The following APBA1 variants were observed in gnomAD, a reference collection of about 807,000 sequenced individuals.
APBA1 encodes the protein amyloid beta precursor protein binding family A member 1, also known as amyloid-beta A4 precursor protein-binding family A member 1.
A neutral mutation model predicts 86.6 loss-of-function variants in APBA1; 55 were observed. That is an observed-to-expected ratio of 0.64 (90% CI 0.51 to 0.80). The LOEUF is 0.80. APBA1 is among the 30% of genes least tolerant of loss of function. The pLI is 0.00. For missense variants in APBA1, 1,090 were observed against 1,183.0 expected (o/e 0.92, Z 1.15); for synonymous variants, 511 against 493.9 (o/e 1.03, Z -0.46).
intron 1 of APBA1, among the ~76,000 whole-genome samples, chr9:69,621,619 A>G (rs1242599490): frequency 6.6e-6 from 1 of 152,244 alleles, no homozygotes; most frequent in Non-Finnish European, 1.5e-5. Context: ...CATCTGTAAA[A>G]CATGTACAAT....
rs1366839712 is a variant in APBA1, at chr9:69,449,791, G to A, written c.1974C>T (p.Phe658=). The A allele has an allele frequency of 6.2e-7, 1 of 1,608,762 alleles. No homozygotes were observed. Among genetic ancestry groups the A allele is most frequent in the Non-Finnish European group, 8.5e-7 (1 of 1,175,710 alleles). The part of the protein sequence containing the change: ...FSKSENCKDV[F]IEKQKGEILG... ...GGATTTCTCCTTTCTGCTTCTCTAT[G>A]AAAACCTGGAAGGAGAAAAACATTT... Residue 658 remains phenylalanine, a synonymous_variant, in exon 10 of 13, where the codon TTC becomes TTT. Transcript: ENST00000265381.
intron 1 of APBA1, among the ~76,000 whole-genome samples, chr9:69,571,876 C>T (rs1385135850): frequency 1.3e-5 from 2 of 152,168 alleles, no homozygotes; most frequent in Non-Finnish European, 2.9e-5. Flanking sequence ...GAAAACGAGG[C>T]TGTCATTGAT....
intron 1 of APBA1, among the ~76,000 whole-genome samples, chr9:69,550,394 A>AT (rs1474586787): frequency 6.6e-6 from 1 of 151,776 alleles, no homozygotes. Flanking sequence ...CCTTTATTTT[A>AT]TTTTTTTACC....
chr9:69,603,312 G>A (rs367953941), intron 1 of APBA1, among the ~76,000 whole-genome samples: 20 of 152,194 alleles, frequency 1.3e-4, no homozygotes, highest in Non-Finnish European at 2.9e-4. Context: ...CTTTATTTTA[G>A]GCAGAACAGG....
intron 1 of APBA1, among the ~76,000 whole-genome samples, chr9:69,615,103 G>T (rs1822673776): frequency 6.6e-6 from 1 of 152,208 alleles, no homozygotes; most frequent in African/African-American, 2.4e-5. Context: ...GGGAGGCTGA[G>T]ATGGGAGAAT....
At chr9:69,441,745 G>A (rs1279773202) in intron 10 of APBA1, among the ~76,000 whole-genome samples, 1 of 152,220 alleles carries the variant, frequency 6.6e-6, no homozygotes, top group Non-Finnish European at 1.5e-5. Flanking sequence ...TAGGATGGGT[G>A]TTGATGGAGA....
At chr9:69,546,079 CTG>C (rs1787314146) in intron 1 of APBA1, among the ~76,000 whole-genome samples, 2 of 152,162 alleles carry the variant, frequency 1.3e-5, no homozygotes, top group African/African-American at 2.4e-5. Context: ...GGAATTCAGA[CTG>C]AGAATTCTTC....
intron 1 of APBA1, among the ~76,000 whole-genome samples, chr9:69,521,086 G>C (rs957286323): frequency 1.3e-5 from 2 of 152,206 alleles, no homozygotes; most frequent in Admixed American, 6.5e-5. Context: ...CTAATGAAGA[G>C]TACTGCCATT....
At position 69,457,152 on chromosome 9, in the gene APBA1, A is replaced by G. The variant is rs780833658; in HGVS notation, c.1516-13T>C. 2 of 1,611,638 alleles carry G rather than the reference A, an allele frequency of 1.2e-6. No homozygotes were observed. Among genetic ancestry groups the G allele is most frequent in the South Asian group, 2.2e-5 (2 of 91,022 alleles). On this transcript the variant is annotated splice_polypyrimidine_tract_variant and intron_variant, in intron 6 of 12. Coordinates refer to ENST00000265381, the MANE Select transcript of APBA1 (RefSeq NM_001163.4). ...CGCCTTCAGGAGCCTGAGAAGAAAA[A>G]ATGCACCAAGAGAAAGTTTGACCAC... is the stretch of plus-strand genomic sequence containing the variant.
intron 3 of APBA1, among the ~76,000 whole-genome samples, chr9:69,473,698 A>G (rs969977168): frequency 6.6e-6 from 1 of 152,178 alleles, no homozygotes; most frequent in Non-Finnish European, 1.5e-5. Flanking sequence ...AAAAAAATTA[A>G]AAAAAAGATA....
intron 1 of APBA1, among the ~76,000 whole-genome samples, chr9:69,595,907 A>C (rs1588384402): frequency 6.6e-6 from 1 of 152,286 alleles, no homozygotes; most frequent in Admixed American, 6.5e-5. Flanking sequence ...AGGGGAGGGA[A>C]GGCTGAACCA....
At position 69,429,948 on chromosome 9, in the gene APBA1, TATA is replaced by T. The variant is rs1162534785; in HGVS notation, c.*1376_*1378del. On this transcript the variant is annotated 3_prime_UTR_variant, in exon 13 of 13. Transcript: ENST00000265381. ...GACCAAGTGAAAACTGGCTCAGAAT[TATA>T]ATATTACTAAAACATCTACACTGAA... 6.6e-6 allele frequency: 1 copy of T among 151,682 alleles called. No homozygotes were observed. The highest frequency in any genetic ancestry group is 2.4e-5 in the African/African-American group (1 of 41,236). 9.4% of individuals were successfully genotyped at this position (151,682 alleles called of 1,614,324 possible).
chr9:69,561,287 G>A (rs530691666), intron 1 of APBA1, among the ~76,000 whole-genome samples: 2 of 152,264 alleles, frequency 1.3e-5, no homozygotes, highest in African/African-American at 2.4e-5. Flanking sequence ...CAATGTAGTT[G>A]GTTTATATGA....
In APBA1 at chr9:69,540,158, A is replaced by AC. The variant is rs1554698954; in HGVS notation, c.-69-22880_-69-22879insG. Among the ~76,000 whole-genome samples the AC allele has an allele frequency of 8.2e-3, 1,221 of 148,342 alleles. 11 individuals are homozygous for AC. Among genetic ancestry groups the AC allele is most frequent in the African/African-American group, 0.027 (1,027 of 38,264 alleles). On this transcript the variant is annotated intron_variant, in intron 1 of 12. Coordinates refer to ENST00000265381, the MANE Select transcript of APBA1 (RefSeq NM_001163.4). ...AACAACAACAACAACAACAACAACA[A>AC]AAGTCACCTTATAAGACATGCTCCC...
At chr9:69,575,353 C>A (rs1470228038) in intron 1 of APBA1, among the ~76,000 whole-genome samples, 1 of 152,170 alleles carries the variant, frequency 6.6e-6, no homozygotes, top group Non-Finnish European at 1.5e-5. Context: ...TTGGAAAAAA[C>A]TACTTTAAAG....
intron 10 of APBA1, among the ~76,000 whole-genome samples, chr9:69,448,739 A>G (rs1317013391): frequency 2.0e-5 from 3 of 152,154 alleles, no homozygotes; most frequent in Non-Finnish European, 4.4e-5. Flanking sequence ...GGAAACCCCT[A>G]CAGGACCCCA....
intron 1 of APBA1, among the ~76,000 whole-genome samples, chr9:69,614,091 T>C (rs1177111462): frequency 6.6e-6 from 1 of 152,236 alleles, no homozygotes; most frequent in Non-Finnish European, 1.5e-5. Context: ...GTTTGCTTTT[T>C]ACATCCATGT....
chr9:69,461,316 T>G (rs962946199), intron 5 of APBA1: 6 of 152,020 alleles, frequency 3.9e-5, no homozygotes, highest in Admixed American at 3.9e-4. Context: ...CGGGGTGTAG[T>G]GCAAAGGACA....
chr9:69,585,782 C>A (rs1428683679), intron 1 of APBA1, among the ~76,000 whole-genome samples: 4 of 152,090 alleles, frequency 2.6e-5, no homozygotes, highest in African/African-American at 9.7e-5. Flanking sequence ...TCTATTTATT[C>A]CCTGTACCAA....
Sources: allele counts gnomAD v4.1 joint callset (sites outside exome capture counted in the v4.1 genomes callset), GRCh38; gene constraint gnomAD v4.1.1; transcripts MANE v1.5; gene names NCBI Gene and HGNC (gene_info 2026-07-23, HGNC 2026-07-21).